The following RYR3 variants were observed in gnomAD, a reference collection of about 807,000 sequenced individuals.
RYR3 encodes the protein ryanodine receptor 3.
RYR3 carries 207 observed loss-of-function variants against 584.3 expected under a neutral mutation model. That is an observed-to-expected ratio of 0.35 (90% CI 0.32 to 0.40). The LOEUF is 0.40. Ranked by LOEUF, RYR3 falls within the 10% of genes least tolerant of loss-of-function variation. The pLI is 1.00. For synonymous variants in RYR3, 2,416 were observed against 2,248.5 expected (o/e 1.07, Z -2.11); for missense variants, 5,616 against 6,089.2 (o/e 0.92, Z 2.59).
At chr15:33,334,866 G>A (rs1970773381) in intron 1 of RYR3, among the ~76,000 whole-genome samples, 1 of 151,422 alleles carries the variant, frequency 6.6e-6, no homozygotes, top group Admixed American at 6.6e-5. Context: ...AGTGGGCAAA[G>A]CACATGAACA....
At chr15:33,355,907 G>A (rs16969994) in intron 1 of RYR3, among the ~76,000 whole-genome samples, 11,949 of 152,208 alleles carry the variant, frequency 0.079, 552 homozygotes, top group Middle Eastern at 0.12. Flanking sequence ...TTTGAAATAT[G>A]TCATTTGTCT....
chr15:33,621,836 A>G (rs528877269), intron 19 of RYR3, among the ~76,000 whole-genome samples: 3 of 152,306 alleles, frequency 2.0e-5, no homozygotes, highest in Non-Finnish European at 4.4e-5. Context: ...CCACGATCAC[A>G]ATTATGCAGC....
chr15:33,652,002 G>A (rs980346652), intron 31 of RYR3, among the ~76,000 whole-genome samples: 7 of 152,202 alleles, frequency 4.6e-5, no homozygotes, highest in Admixed American at 6.5e-5. Flanking sequence ...GGCTTTGGGA[G>A]CCTTAAGGAC....
chr15:33,757,630 C>T, intron 60 of RYR3, 34 bp downstream of exon 60: 1 of 1,598,090 alleles, frequency 6.3e-7, no homozygotes, highest in Non-Finnish European at 8.5e-7. Flanking sequence ...GGTGATGGTG[C>T]TGATGCAATT....
chr15:33,848,552 C>T (rs1181285634), intron 94 of RYR3, 131 bp downstream of exon 94: 2 of 1,031,180 alleles, frequency 1.9e-6, no homozygotes, highest in South Asian at 1.8e-5. Flanking sequence ...TCTCCCTTGC[C>T]TCTTCAATAA....
At chr15:33,538,850 A>T (rs2055557934) in intron 5 of RYR3, among the ~76,000 whole-genome samples, 2 of 152,302 alleles carry the variant, frequency 1.3e-5, no homozygotes, top group African/African-American at 2.4e-5. Flanking sequence ...ATGTCAATTT[A>T]TCTTCTTTGC....
chr15:33,865,095 T>A (rs1890037073), intron 103 of RYR3, 36 bp from the exon 104 acceptor site: 5 of 1,545,786 alleles, frequency 3.2e-6, no homozygotes, highest in Non-Finnish European at 3.6e-6. Flanking sequence ...TTTACTGTGG[T>A]TTAAAAATAA....
intron 3 of RYR3, among the ~76,000 whole-genome samples, chr15:33,516,425 C>T: frequency 6.6e-6 from 1 of 151,892 alleles, no homozygotes; most frequent in East Asian, 1.9e-4. Context: ...CTCACTGCAA[C>T]CTCTGCCTCC....
At chr15:33,732,790 G>A (rs2069080781) in intron 48 of RYR3, among the ~76,000 whole-genome samples, 1 of 152,204 alleles carries the variant, frequency 6.6e-6, no homozygotes, top group African/African-American at 2.4e-5. Context: ...GGCTTTTGAA[G>A]CTTCCCAAGT....
At chr15:33,833,019 A>AG (rs1026570229) in intron 86 of RYR3, among the ~76,000 whole-genome samples, 7 of 96,126 alleles carry the variant, frequency 7.3e-5, no homozygotes, top group East Asian at 2.1e-4. Flanking sequence ...AAAAAAAAAA[A>AG]AAGAGCCAAA....
chr15:33,512,607 A>C (rs557133805), intron 3 of RYR3, among the ~76,000 whole-genome samples: 76 of 152,342 alleles, frequency 5.0e-4, no homozygotes, highest in African/African-American at 1.6e-3. Flanking sequence ...GTGTTTTTGC[A>C]AATGTGTTAA....
At chr15:33,773,316 C>G (rs1311427742) in intron 63 of RYR3, among the ~76,000 whole-genome samples, 1 of 152,170 alleles carries the variant, frequency 6.6e-6, no homozygotes, top group Non-Finnish European at 1.5e-5. Flanking sequence ...CACAAAGGAA[C>G]TGGGATTGCT....
intron 43 of RYR3, among the ~76,000 whole-genome samples, chr15:33,708,948 G>A (rs1175000461): frequency 7.1e-6 from 1 of 140,668 alleles, no homozygotes; most frequent in Non-Finnish European, 1.5e-5. Context: ...TTCGGCGGGA[G>A]TCAGGACAGA....
chr15:33,752,660 A>G (rs1291242531), intron 57 of RYR3, among the ~76,000 whole-genome samples: 3 of 152,186 alleles, frequency 2.0e-5, no homozygotes, highest in Non-Finnish European at 4.4e-5. Flanking sequence ...TAAGTATACA[A>G]TCATGTCATC....
chr15:33,699,569 G>A, intron 40 of RYR3, 135 bp from the exon 41 acceptor site: 1 of 714,980 alleles, frequency 1.4e-6, no homozygotes, highest in Non-Finnish European at 2.2e-6. Context: ...AATAAGTCTT[G>A]AGAAAAAAAA....
chr15:33,752,807 C>G (rs914455951), intron 57 of RYR3, among the ~76,000 whole-genome samples: 22 of 152,034 alleles, frequency 1.4e-4, no homozygotes, highest in Non-Finnish European at 2.6e-4. Context: ...TTGTCTTGTG[C>G]CTGTTTTCAA....
At chr15:33,744,079 A>G (rs559974724) in intron 52 of RYR3, among the ~76,000 whole-genome samples, 13 of 152,024 alleles carry the variant, frequency 8.6e-5, no homozygotes, top group African/African-American at 3.1e-4. Context: ...TGCACTACAC[A>G]TGCCAGAGAC....
chr15:33,863,726 C>T (rs1230240510), intron 102 of RYR3, among the ~76,000 whole-genome samples: 1 of 152,178 alleles, frequency 6.6e-6, no homozygotes, highest in Non-Finnish European at 1.5e-5. Context: ...GACAGATATT[C>T]TTGAGACACA....
intron 60 of RYR3, among the ~76,000 whole-genome samples, chr15:33,765,773 G>A (rs547996865): frequency 4.6e-5 from 7 of 152,022 alleles, no homozygotes; most frequent in African/African-American, 1.7e-4. Context: ...TTGAGATTTA[G>A]CTAACTTTTA....
Sources: allele counts gnomAD v4.1 joint callset (sites outside exome capture counted in the v4.1 genomes callset), GRCh38; gene constraint gnomAD v4.1.1; transcripts MANE v1.5; gene names NCBI Gene and HGNC (gene_info 2026-07-23, HGNC 2026-07-21).